CCDC187: variants seen among roughly 807,000 people sequenced by gnomAD.
CCDC187 encodes the protein coiled-coil domain containing 187.
CCDC187 carries 32 observed loss-of-function variants against 38.0 expected under a neutral mutation model. The ratio of observed to expected loss-of-function variants is 0.84; its 90% CI spans 0.64 to 1.13. CCDC187 has a LOEUF of 1.13. Among genes scored for constraint, CCDC187 ranks in the 50% most tolerant of loss-of-function variants. The probability of loss-of-function intolerance (pLI) is 0.00; values close to 1 mark genes in which losing one functional copy is unlikely to be tolerated. For synonymous variants in CCDC187, 333 were observed against 347.9 expected, an observed-to-expected ratio of 0.96 and a Z score of 0.48; for missense variants, 707 against 786.8, an observed-to-expected ratio of 0.90 and a Z score of 1.21.
chr9:136,258,113 G>A lies in CCDC187; in HGVS notation c.4366+819C>T, dbSNP rs948020071. ...CGGTGGCCGCAGAAGCCTGAACAGC[G>A]CAGGCCCGGAGGTGACGCGGGACAC... On this transcript the variant is annotated intron_variant, in intron 22 of 25. Transcript: ENST00000638797. The surrounding 1 kb of genome is among the most constrained non-coding windows in gnomAD (Gnocchi z 4.3). Among the ~76,000 whole-genome samples, 6 of 152,182 alleles carry A rather than the reference G, an allele frequency of 3.9e-5. No individual in the cohort carries two copies. Among genetic ancestry groups the A allele is most frequent in the Admixed American group, 2.6e-4 (4 of 15,286 alleles).
In CCDC187 at chr9:136,257,267, G is replaced by A. The variant is rs2131114503; in HGVS notation, c.4367-426C>T. Among the ~76,000 whole-genome samples, 1 of 152,254 alleles carries A rather than the reference G, an allele frequency of 6.6e-6. No homozygotes were observed. The highest frequency in any genetic ancestry group is 1.9e-4 in the East Asian group (1 of 5,188). ...GGGGGCCTATAATTCCAGCTACTCA[G>A]GAGGCTGAGGCAAAAGAATTGCTTG... is the stretch of plus-strand genomic sequence containing the variant. On this transcript the variant is annotated intron_variant, in intron 22 of 25. Transcript: ENST00000638797. The surrounding 1 kb of genome is among the most constrained non-coding windows in gnomAD (Gnocchi z 4.5).
intron 9 of CCDC187, among the ~76,000 whole-genome samples, chr9:136,282,048 G>A (rs1463857837): frequency 2.0e-5 from 3 of 152,210 alleles, no homozygotes; most frequent in Admixed American, 6.5e-5. Flanking sequence ...GTCAGCTTCC[G>A]TGGCCACCGT....
rs1188135473 is a variant in CCDC187, at chr9:136,268,139, C to T, written c.3443-14G>A. On this transcript the variant is annotated splice_polypyrimidine_tract_variant and intron_variant, in intron 14 of 25. Coordinates refer to ENST00000638797, the MANE Select transcript of CCDC187 (RefSeq NM_001378188.1). ...GGCCCTCCACCTCTGAGGAAGGAAG[C>T]GCCATGGTTGGGTCATGTAGGGGGT... 4 of 985,334 alleles carry T rather than the reference C, an allele frequency of 4.1e-6. No homozygotes were observed. The highest frequency in any genetic ancestry group is 2.3e-4 in the East Asian group (2 of 8,822). The allele number at this position is 985,334 out of a possible 1,614,324, so 61.0% of individuals were successfully genotyped here.
intron 4 of CCDC187, chr9:136,296,590 C>T (rs1831540893): frequency 6.6e-6 from 1 of 152,296 alleles, no homozygotes. Flanking sequence ...GCAGTGAGCT[C>T]ACAGAGTGCG....
intron 8 of CCDC187, among the ~76,000 whole-genome samples, chr9:136,285,858 C>T (rs2131278429): frequency 6.6e-6 from 1 of 152,330 alleles, no homozygotes; most frequent in South Asian, 2.1e-4. Flanking sequence ...TGCCATGTGC[C>T]ACACAGGAGA....
rs1357577703 is a variant in CCDC187, at chr9:136,250,599, A to G, written c.*2995T>C. Reference sequence around the variant, plus strand: ...TGTTCAGAAGACTAGAAGGGGATCAATGAGAAAGCTGTAGCTCAGCTCAAA... The same window carrying G: ...TGTTCAGAAGACTAGAAGGGGATCAGTGAGAAAGCTGTAGCTCAGCTCAAA... On this transcript the variant is annotated 3_prime_UTR_variant, in exon 26 of 26. Transcript: ENST00000638797. The G allele has an allele frequency of 5.4e-6, 2 of 368,064 alleles. No individual in the cohort carries two copies. The highest frequency in any genetic ancestry group is 3.5e-5 in the Admixed American group (1 of 28,928). 22.8% of individuals were successfully genotyped at this position (368,064 alleles called of 1,614,324 possible). A position where few individuals can be genotyped will look rare whatever the true frequency, so the allele number is the denominator to read the frequency against.
At chr9:136,305,426 G>A (rs1246929353), upstream of CCDC187, among the ~76,000 whole-genome samples, 2 of 152,196 alleles carry the variant, frequency 1.3e-5, no homozygotes, top group African/African-American at 4.8e-5. Context: ...ACAGAGCCTC[G>A]CCCTGCCCAG....
chr9:136,268,912 G>A (rs2131177920), intron 14 of CCDC187, among the ~76,000 whole-genome samples: 1 of 152,270 alleles, frequency 6.6e-6, no homozygotes. Flanking sequence ...AGGGGAAGCT[G>A]GCTGAGCTGG....
intron 14 of CCDC187, among the ~76,000 whole-genome samples, chr9:136,271,435 C>T (rs528584288): frequency 3.3e-5 from 5 of 151,820 alleles, no homozygotes; most frequent in South Asian, 4.2e-4. Context: ...GCAGGAGAAT[C>T]GCTTGAACCT....
At chr9:136,270,714 C>T (rs1830826582) in intron 14 of CCDC187, among the ~76,000 whole-genome samples, 2 of 152,168 alleles carry the variant, frequency 1.3e-5, no homozygotes, top group South Asian at 2.1e-4. Flanking sequence ...GGAAAGGAGA[C>T]TCCCTTTCAT....
At chr9:136,272,675 C>T (rs1468627864) in intron 14 of CCDC187, among the ~76,000 whole-genome samples, 1 of 151,910 alleles carries the variant, frequency 6.6e-6, no homozygotes, top group Non-Finnish European at 1.5e-5. Flanking sequence ...TGCACTCCAG[C>T]CTGGGCAACA....
intron 14 of CCDC187, among the ~76,000 whole-genome samples, chr9:136,270,246 C>T (rs551723878): frequency 6.6e-6 from 1 of 152,266 alleles, no homozygotes; most frequent in East Asian, 1.9e-4. Context: ...CCCGGGGGAC[C>T]ACTACCATCA....
Position 136,281,604 on chromosome 9 carries a change from G to A in CCDC187, c.2987C>T (p.Thr996Met), listed in dbSNP as rs930488564. 7.5e-3 allele frequency: 2,984 copies of A among 398,590 alleles called. 81 individuals carry two copies. The highest frequency in any genetic ancestry group is 0.053 in the African/African-American group (2,572 of 48,722). 24.7% of individuals were successfully genotyped at this position (398,590 alleles called of 1,614,324 possible). ...PIWGSLGLEETPSVGGADSVA... is the reference protein window; with the variant it reads ...PIWGSLGLEEMPSVGGADSVA... ...AGAATCTGCCCCTCCGACCGACGGC[G>A]TCTCCTCCAGTCCCAGGGAGCCCCA... Residue 996 changes from threonine to methionine, a missense_variant, in exon 10 of 26, where the codon ACG becomes ATG. Thr to Met is a moderately conservative substitution (Grantham distance 81). Transcript: ENST00000638797.
In CCDC187 at chr9:136,258,349, T is replaced by G. The variant is rs1830639882; in HGVS notation, c.4366+583A>C. ...CCTTGGGTGGCATAGTCTCCCTGCT[T>G]CCGAGGATGGACACTGGGTGGGGGC... On this transcript the variant is annotated intron_variant, in intron 22 of 25. Coordinates refer to ENST00000638797, the MANE Select transcript of CCDC187 (RefSeq NM_001378188.1). This position sits in a 1 kb window ranked among gnomAD's most constrained non-coding sequence, Gnocchi z 4.3. Among the ~76,000 whole-genome samples the G allele has an allele frequency of 1.3e-5, 2 of 152,110 alleles. No homozygotes were observed. Among genetic ancestry groups the G allele is most frequent in the African/African-American group, 4.8e-5 (2 of 41,432 alleles).
At chr9:136,281,416 A>G (rs1397143211) in intron 10 of CCDC187, 135 bp downstream of exon 10, 4 of 398,312 alleles carry the variant, frequency 1.0e-5, no homozygotes, top group African/African-American at 4.1e-5. Context: ...CGAGGCGTGG[A>G]TGCTCTCCAC....
At position 136,252,156 on chromosome 9, in the gene CCDC187, C is replaced by CA. The variant is rs1830551180; in HGVS notation, c.*1437_*1438insT. 1 of 74,282 alleles carries CA rather than the reference C, an allele frequency of 1.3e-5. No homozygotes were observed. Among genetic ancestry groups the CA allele is most frequent in the East Asian group, 4.5e-4 (1 of 2,222 alleles). The allele number at this position is 74,282 out of a possible 1,614,324, so 4.6% of individuals were successfully genotyped here. A position where few individuals can be genotyped will look rare whatever the true frequency, so the allele number is the denominator to read the frequency against. On this transcript the variant is annotated 3_prime_UTR_variant, in exon 26 of 26. Coordinates refer to ENST00000638797, the MANE Select transcript of CCDC187 (RefSeq NM_001378188.1). ...CCACCCTGTCCACCAGGGGAAGAGC[C>CA]GGCCGCCCACCCGGTCCACCCCGGG...
At chr9:136,267,088 T>TCAAAACAAAACAAAA (rs566311776) in intron 16 of CCDC187, 1 of 154,424 alleles carries the variant, frequency 6.5e-6, no homozygotes, top group Non-Finnish European at 1.4e-5. Context: ...AAACTCTGTC[T>TCAAAACAAAACAAAA]CAAAACAAAA....
chr9:136,294,792 G>A (rs1742426200), intron 4 of CCDC187, among the ~76,000 whole-genome samples: 5 of 152,142 alleles, frequency 3.3e-5, no homozygotes, highest in Non-Finnish European at 5.9e-5. Context: ...CTCCAGGACA[G>A]GACCCCAGGC....
At chr9:136,286,754 G>A in intron 7 of CCDC187, 59 bp from the exon 8 acceptor site, 1 of 398,448 alleles carries the variant, frequency 2.5e-6, no homozygotes, top group South Asian at 1.3e-4. Flanking sequence ...GCAGGGCACG[G>A]AAAGCACGCG....
Sources: gnomAD v4.1 joint callset for allele counts (sites outside exome capture counted in the v4.1 genomes callset) on GRCh38, gnomAD v4.1.1 for gene constraint, Gnocchi (gnomAD v3.1) non-coding constraint, MANE v1.5 for transcripts, NCBI Gene and HGNC (gene_info 2026-07-23, HGNC 2026-07-21) for gene names.